Variants in ACACA observed in about 807,000 individuals in gnomAD.
ACACA encodes acetyl-CoA carboxylase 1.
In ACACA, 103 loss-of-function variants were observed where a neutral mutation model predicts 296.1. The observed-to-expected ratio is 0.35, with a 90% CI of 0.30 to 0.41. The LOEUF is 0.41. Among genes scored for constraint, ACACA ranks in the 10% least tolerant of loss-of-function variants. The pLI is 1.00. For missense variants in ACACA, 1,554 were observed against 2,989.7 expected (o/e 0.52, Z 11.20); for synonymous variants, 953 against 1,038.6 (o/e 0.92, Z 1.58).
rs774820719 is a variant in ACACA at position 37,191,254 on chromosome 17, G to A, written c.4438C>T (p.Gln1480Ter). 6.2e-7 allele frequency: 1 copy of A among 1,613,982 alleles called. No homozygotes were observed. The highest frequency in any genetic ancestry group is 1.3e-5 in the African/African-American group (1 of 75,008). Residue 1480 changes from glutamine (Q) to a stop codon, truncating the protein, a stop_gained, in exon 38 of 56, where the codon CAA becomes TAA. Coordinates refer to ENST00000616317, the MANE Select transcript of ACACA (RefSeq NM_198834.3). LOFTEE classifies it high-confidence loss of function. The stretch of plus-strand genomic sequence containing the variant: ...AGGAGTAGCCGCTCCCCTTCATTTT[G>A]CAGATATTCAAAAGAAGCTTCCTAT... ...VTKEASFEYL[Q>*]NEGERLLLEA...
At chr17:37,180,183 T>C (rs1401765920) in intron 40 of ACACA, among the ~76,000 whole-genome samples, 1 of 152,164 alleles carries the variant, frequency 6.6e-6, no homozygotes, top group East Asian at 1.9e-4. Context: ...GTGATTTATA[T>C]TATATTTATA....
intron 9 of ACACA, among the ~76,000 whole-genome samples, chr17:37,273,362 A>G (rs1000367168): frequency 6.6e-6 from 1 of 152,230 alleles, no homozygotes; most frequent in Non-Finnish European, 1.5e-5. Flanking sequence ...AAGAAAAGGT[A>G]ATGTTGGGGA....
chr17:37,227,997 T>C (rs1167829274), intron 25 of ACACA, among the ~76,000 whole-genome samples: 1 of 152,142 alleles, frequency 6.6e-6, no homozygotes, highest in Non-Finnish European at 1.5e-5. Flanking sequence ...CTCCCCACTT[T>C]GATTATCAGC....
intron 44 of ACACA, 101 bp from the exon 45 acceptor site, chr17:37,150,075 C>T (rs2075973142): frequency 1.9e-6 from 2 of 1,047,512 alleles, no homozygotes; most frequent in South Asian, 1.3e-5. Context: ...CAGAAATAAA[C>T]ATTGCTTTTT....
At chr17:37,296,780 A>G (rs1265142847) in intron 3 of ACACA, among the ~76,000 whole-genome samples, 1 of 151,840 alleles carries the variant, frequency 6.6e-6, no homozygotes, top group Non-Finnish European at 1.5e-5. Flanking sequence ...ACAGTAGCAC[A>G]ATGTCAGGTC....
At position 37,287,049 on chromosome 17, in the gene ACACA, C is replaced by T. The variant is rs530879214; in HGVS notation, c.339-2079G>A. Among the ~76,000 whole-genome samples the T allele has an allele frequency of 1.4e-4, 21 of 152,290 alleles. No homozygotes were observed. In the East Asian group the frequency reaches 3.9e-3, roughly 28 times the overall value. On this transcript the variant is annotated intron_variant, in intron 3 of 55. Transcript: ENST00000616317. ...CTACTACAATTTATTTTCCTTGTGA[C>T]TGCACCTTGACTGATAGACCCTCCA...
chr17:37,382,522 G>A (rs1404789155), intron 1 of ACACA, among the ~76,000 whole-genome samples: 1 of 152,020 alleles, frequency 6.6e-6, no homozygotes, highest in Non-Finnish European at 1.5e-5. Flanking sequence ...GACTAAAACT[G>A]GGAAATAAGT....
At chr17:37,176,679 CT>C (rs2077129401) in intron 41 of ACACA, among the ~76,000 whole-genome samples, 1 of 152,216 alleles carries the variant, frequency 6.6e-6, no homozygotes, top group Non-Finnish European at 1.5e-5. Flanking sequence ...ACTTTGTCAT[CT>C]CTTAGGCACA....
At chr17:37,318,329 A>G (rs1435585407) in intron 3 of ACACA, among the ~76,000 whole-genome samples, 3 of 151,888 alleles carry the variant, frequency 2.0e-5, no homozygotes, top group Non-Finnish European at 4.4e-5. Flanking sequence ...TGCAACCTCC[A>G]CCTCCCGGGT....
chr17:37,365,473 T>C (rs2049574770), intron 1 of ACACA: 1 of 985,362 alleles, frequency 1.0e-6, no homozygotes, highest in Non-Finnish European at 1.2e-6. Flanking sequence ...TGATGCCTGC[T>C]TATCCGTCTT....
At chr17:37,151,640 G>A (rs535153082) in intron 43 of ACACA, among the ~76,000 whole-genome samples, 4 of 152,176 alleles carry the variant, frequency 2.6e-5, no homozygotes, top group South Asian at 2.1e-4. Context: ...TAGAAAGAGC[G>A]AAATCTGGAA....
At chr17:37,148,645 C>T (rs540325975) in intron 45 of ACACA, among the ~76,000 whole-genome samples, 8 of 152,268 alleles carry the variant, frequency 5.3e-5, no homozygotes, top group African/African-American at 1.9e-4. Flanking sequence ...TGTGTATTAA[C>T]TCCATAAGCT....
intron 1 of ACACA, among the ~76,000 whole-genome samples, chr17:37,343,125 A>T (rs2048461564): frequency 6.6e-6 from 1 of 151,880 alleles, no homozygotes; most frequent in African/African-American, 2.4e-5. Flanking sequence ...TTACAGATGC[A>T]TGCCACCACA....
chr17:37,355,509 T>A (rs945560190), intron 1 of ACACA, among the ~76,000 whole-genome samples: 2 of 150,224 alleles, frequency 1.3e-5, no homozygotes, highest in Admixed American at 1.3e-4. Flanking sequence ...GGAGCCAAGA[T>A]CACACCATTG....
intron 1 of ACACA, 27 bp from the exon 2 acceptor site, chr17:37,339,877 G>GTT (rs745594775): frequency 3.9e-4 from 365 of 936,312 alleles, no homozygotes; most frequent in African/African-American, 5.7e-4. Context: ...AGATTTTAAG[G>GTT]TTTTTTTTTT....
At chr17:37,169,022 G>C (rs2076789176) in intron 41 of ACACA, among the ~76,000 whole-genome samples, 1 of 152,264 alleles carries the variant, frequency 6.6e-6, no homozygotes, top group Middle Eastern at 3.4e-3. Context: ...GAGGGCTAAA[G>C]AACTTTACAA....
At chr17:37,138,788 A>G (rs924972321) in intron 45 of ACACA, among the ~76,000 whole-genome samples, 3 of 152,236 alleles carry the variant, frequency 2.0e-5, no homozygotes, top group African/African-American at 7.2e-5. Context: ...GATTCACAAC[A>G]AATTCATGAT....
intron 41 of ACACA, among the ~76,000 whole-genome samples, chr17:37,177,310 G>A (rs183567002): frequency 3.4e-5 from 5 of 148,738 alleles, no homozygotes; most frequent in Non-Finnish European, 6.0e-5. Flanking sequence ...GTGGTCTTTG[G>A]GTACAGAGGC....
intron 50 of ACACA, among the ~76,000 whole-genome samples, chr17:37,114,048 A>G (rs928210923): frequency 3.7e-4 from 56 of 152,114 alleles, no homozygotes; most frequent in African/African-American, 1.3e-3. Context: ...TTAGCTGGGC[A>G]TGGTGGTGCA....
Sources: allele counts gnomAD v4.1 joint callset (sites outside exome capture counted in the v4.1 genomes callset), GRCh38; gene constraint gnomAD v4.1.1; transcripts MANE v1.5; gene names NCBI Gene and HGNC (gene_info 2026-07-23, HGNC 2026-07-21).